PLEKHG1: variants seen among roughly 807,000 people sequenced by gnomAD.
PLEKHG1 encodes the protein pleckstrin homology domain-containing family G member 1.
PLEKHG1 carries 44 observed loss-of-function variants against 100.8 expected under a neutral mutation model. The ratio of observed to expected loss-of-function variants is 0.44; its 90% CI spans 0.34 to 0.56. The LOEUF is 0.56. Among genes scored for constraint, PLEKHG1 ranks in the 20% least tolerant of loss-of-function variants. The probability of loss-of-function intolerance (pLI) is 0.01; values close to 1 mark genes in which losing one functional copy is unlikely to be tolerated. For synonymous variants in PLEKHG1, 640 were observed against 662.5 expected (o/e 0.97, Z 0.52); for missense variants, 1,545 against 1,720.9 (o/e 0.90, Z 1.81).
chr6:150,791,652 AGAGCAAGACT>A (rs1310549093), intron 4 of PLEKHG1, among the ~76,000 whole-genome samples: 6 of 150,930 alleles, frequency 4.0e-5, no homozygotes, highest in Non-Finnish European at 8.8e-5. Flanking sequence ...CCTGGGTGGC[AGAGCAAGACT>A]CTGTCTCAAA....
Position 150,683,444 on chromosome 6 carries a change from T to C in PLEKHG1, c.-99+32658T>C, listed in dbSNP as rs1411099367. ...TGGGCTCACTGTTGAGCTGCTTCCCTTTGCATCTCGGGGGAAGGTGTGGTT... is the reference window on the plus strand; with the variant it reads ...TGGGCTCACTGTTGAGCTGCTTCCCCTTGCATCTCGGGGGAAGGTGTGGTT... On this transcript the variant is annotated intron_variant, in intron 3 of 3. Transcript: ENST00000367326. This position sits in a 1 kb window ranked among gnomAD's most constrained non-coding sequence, Gnocchi z 4.0. Among the ~76,000 whole-genome samples, 1 of 151,766 alleles carries C rather than the reference T, an allele frequency of 6.6e-6. No individual in the cohort carries two copies. Among genetic ancestry groups the C allele is most frequent in the East Asian group, 1.9e-4 (1 of 5,156 alleles).
upstream of PLEKHG1, among the ~76,000 whole-genome samples, chr6:150,719,192 C>T (rs143979498): frequency 8.1e-3 from 1,238 of 152,186 alleles, 7 homozygotes; most frequent in Non-Finnish European, 0.013. Flanking sequence ...TAGCAAACTG[C>T]CCACCATCCA....
intron 3 of PLEKHG1, among the ~76,000 whole-genome samples, chr6:150,674,628 CCTCCCTCTCTCTCTCT>C (rs1389856063): frequency 1.3e-4 from 7 of 51,896 alleles, no homozygotes; most frequent in Admixed American, 4.2e-4. Flanking sequence ...TTCTCTCTCT[CCTCCCTCTCTCTCTCT>C]CTCTCTCTCT....
chr6:150,639,873 T>G (rs1778179615), intron 2 of PLEKHG1, among the ~76,000 whole-genome samples: 1 of 152,258 alleles, frequency 6.6e-6, no homozygotes, highest in African/African-American at 2.4e-5. Flanking sequence ...TCTGTATCAA[T>G]GATGCTGCCA....
intron 3 of PLEKHG1, among the ~76,000 whole-genome samples, chr6:150,692,565 G>A (rs1780383662): frequency 6.6e-6 from 1 of 152,156 alleles, no homozygotes; most frequent in African/African-American, 2.4e-5. Context: ...GTGATCTAGA[G>A]AAGACAAATT....
intron 3 of PLEKHG1, among the ~76,000 whole-genome samples, chr6:150,657,835 G>A (rs111714026): frequency 5.9e-5 from 9 of 152,278 alleles, no homozygotes; most frequent in African/African-American, 1.7e-4. Flanking sequence ...TAATAGGCAC[G>A]GAAAGACTGT....
At chr6:150,603,075 G>A (rs1253966184) in intron 1 of PLEKHG1, among the ~76,000 whole-genome samples, 2 of 31,286 alleles carry the variant, frequency 6.4e-5, no homozygotes, top group African/African-American at 8.4e-5. Context: ...GCGAGACTCC[G>A]TCTCAAAAAA....
intron 3 of PLEKHG1, among the ~76,000 whole-genome samples, chr6:150,773,566 C>T (rs1028620535): frequency 3.3e-5 from 5 of 152,196 alleles, no homozygotes; most frequent in Admixed American, 6.5e-5. Context: ...AAGACTTACA[C>T]GGATGTGTGG....
At chr6:150,674,936 G>A (rs963858094) in intron 3 of PLEKHG1, among the ~76,000 whole-genome samples, 11 of 152,084 alleles carry the variant, frequency 7.2e-5, no homozygotes, top group Admixed American at 3.3e-4. Flanking sequence ...GCCTGCTTCA[G>A]CCTCCCAGAG....
chr6:150,654,988 G>T (rs1359535198), intron 3 of PLEKHG1, among the ~76,000 whole-genome samples: 1 of 152,222 alleles, frequency 6.6e-6, no homozygotes, highest in Non-Finnish European at 1.5e-5. Context: ...GCCTGGCTTG[G>T]TGGTGTTATG....
At chr6:150,635,853 AAT>A (rs1777975794) in intron 1 of PLEKHG1, among the ~76,000 whole-genome samples, 1 of 152,190 alleles carries the variant, frequency 6.6e-6, no homozygotes, top group Admixed American at 6.5e-5. Context: ...CAAGCAGTTA[AAT>A]ATATTAAGGC....
At chr6:150,811,427 C>T (rs1166772297) in intron 10 of PLEKHG1, among the ~76,000 whole-genome samples, 1 of 152,036 alleles carries the variant, frequency 6.6e-6, no homozygotes, top group African/African-American at 2.4e-5. Context: ...TGTGCCACCA[C>T]ACCAAGCTAA....
intron 1 of PLEKHG1, among the ~76,000 whole-genome samples, chr6:150,628,578 C>CACACA (rs1263436444): frequency 3.4e-3 from 109 of 32,108 alleles, no homozygotes; most frequent in Non-Finnish European, 6.2e-3. Context: ...ACACACACAC[C>CACACA]CCGTCCTTGC....
intron 3 of PLEKHG1, among the ~76,000 whole-genome samples, chr6:150,674,626 CTCCTCCCT>C (rs1169344543): frequency 4.7e-5 from 4 of 85,908 alleles, no homozygotes; most frequent in Admixed American, 4.3e-4. Context: ...CTTTCTCTCT[CTCCTCCCT>C]CTCTCTCTCT....
intron 1 of PLEKHG1, chr6:150,721,244 A>C (rs1218433724): frequency 4.6e-6 from 4 of 874,132 alleles, no homozygotes; most frequent in Non-Finnish European, 5.5e-6. Context: ...ATGCAGGAAC[A>C]AACGCTCCTT....
intron 14 of PLEKHG1, among the ~76,000 whole-genome samples, chr6:150,825,369 G>GAATTCAAGATCAGCCTT (rs1776538942): frequency 6.6e-6 from 1 of 151,936 alleles, no homozygotes; most frequent in Admixed American, 6.6e-5. Context: ...TTGAGCTCAG[G>GAATTCAAGATCAGCCTT]AATTCAAGAT....
At chr6:150,686,356 A>G (rs1780130041) in intron 3 of PLEKHG1, among the ~76,000 whole-genome samples, 1 of 152,224 alleles carries the variant, frequency 6.6e-6, no homozygotes. Flanking sequence ...ATTGTAAACA[A>G]ATTCTGTTTA....
At chr6:150,750,780 C>CAAAAAAAA (rs1158670858) in intron 2 of PLEKHG1, among the ~76,000 whole-genome samples, 1 of 37,400 alleles carries the variant, frequency 2.7e-5, no homozygotes, top group African/African-American at 1.0e-4. Flanking sequence ...GACTCCATCT[C>CAAAAAAAA]AAAAAAAAAA....
intron 3 of PLEKHG1, among the ~76,000 whole-genome samples, chr6:150,688,255 G>A (rs1780210684): frequency 6.6e-6 from 1 of 152,086 alleles, no homozygotes; most frequent in Admixed American, 6.6e-5. Context: ...AGTCAATAAA[G>A]TGGCAAAGCA....
Sources: allele counts gnomAD v4.1 joint callset (sites outside exome capture counted in the v4.1 genomes callset), GRCh38; gene constraint gnomAD v4.1.1; non-coding constraint Gnocchi (gnomAD v3.1); transcripts MANE v1.5; gene names NCBI Gene and HGNC (gene_info 2026-07-23, HGNC 2026-07-21).